Variants in ARHGAP35 observed in about 807,000 individuals in gnomAD.
The protein encoded by ARHGAP35 is Rho GTPase activating protein 35.
Under a neutral mutation model 111.1 loss-of-function variants are expected in ARHGAP35, and 15 were observed. That is an observed-to-expected ratio of 0.13 (90% CI 0.09 to 0.21). The LOEUF (loss-of-function observed/expected upper bound fraction) is 0.21. Among genes scored for constraint, ARHGAP35 ranks in the 10% least tolerant of loss-of-function variants. The pLI, the probability that ARHGAP35 is intolerant of heterozygous loss-of-function variation, is 1.00. For missense variants in ARHGAP35, 1,262 were observed against 1,873.0 expected (o/e 0.67, Z 6.02); for synonymous variants, 643 against 710.3 (o/e 0.91, Z 1.51).
intron 1 of ARHGAP35, among the ~76,000 whole-genome samples, chr19:46,867,774 TTG>T (rs200182410): frequency 6.6e-6 from 1 of 151,840 alleles, no homozygotes; most frequent in African/African-American, 2.4e-5. Context: ...GTTGTTGTTG[TTG>T]TTTTTTTTTT....
chr19:46,935,528 G>A (rs1315277565), intron 2 of ARHGAP35, among the ~76,000 whole-genome samples: 3 of 152,202 alleles, frequency 2.0e-5, no homozygotes, highest in Non-Finnish European at 2.9e-5. Context: ...TGGTAGGAAC[G>A]AAGATGGGCA....
At chr19:46,949,830 G>A (rs1016213365) in intron 3 of ARHGAP35, among the ~76,000 whole-genome samples, 4 of 152,112 alleles carry the variant, frequency 2.6e-5, no homozygotes, top group Non-Finnish European at 5.9e-5. Flanking sequence ...GTGATCATTC[G>A]GTCAATGTTA....
intron 3 of ARHGAP35, among the ~76,000 whole-genome samples, chr19:46,960,117 A>T (rs1390322277): frequency 6.6e-6 from 1 of 151,462 alleles, no homozygotes; most frequent in Non-Finnish European, 1.5e-5. Context: ...TCACAAAAAA[A>T]AAAAAAAAAA....
At chr19:46,962,245 A>G (rs1222661473) in intron 3 of ARHGAP35, among the ~76,000 whole-genome samples, 1 of 152,224 alleles carries the variant, frequency 6.6e-6, no homozygotes, top group Non-Finnish European at 1.5e-5. Context: ...TTTTAAAGAT[A>G]AGAACCCAGG....
chr19:46,980,049 G>A (rs11883094), intron 3 of ARHGAP35, among the ~76,000 whole-genome samples: 1,583 of 152,170 alleles, frequency 0.01, 30 homozygotes, highest in African/African-American at 0.036. Flanking sequence ...GGAGGCCGTC[G>A]TTCTTCTCAG....
At chr19:46,969,222 CTGAA>C (rs1004741321) in intron 3 of ARHGAP35, among the ~76,000 whole-genome samples, 10 of 152,158 alleles carry the variant, frequency 6.6e-5, no homozygotes, top group African/African-American at 2.4e-4. Flanking sequence ...TTGTGCAACT[CTGAA>C]TGTGCTCACA....
intron 3 of ARHGAP35, among the ~76,000 whole-genome samples, chr19:46,967,799 C>T (rs1251012092): frequency 2.0e-5 from 3 of 152,220 alleles, no homozygotes; most frequent in African/African-American, 4.8e-5. Flanking sequence ...ATTTCTCACC[C>T]GCACTGCCTT....
chr19:46,867,598 CTTGA>C (rs2122854800), intron 1 of ARHGAP35, among the ~76,000 whole-genome samples: 1 of 152,286 alleles, frequency 6.6e-6, no homozygotes, highest in South Asian at 2.1e-4. Context: ...GCTAATAATA[CTTGA>C]TTGTCATCTC....
At chr19:46,944,319 A>C (rs1331069431) in intron 3 of ARHGAP35, among the ~76,000 whole-genome samples, 2 of 151,808 alleles carry the variant, frequency 1.3e-5, no homozygotes, top group Non-Finnish European at 2.9e-5. Flanking sequence ...AAAAAAAAGT[A>C]ATATACTTGC....
intron 1 of ARHGAP35, among the ~76,000 whole-genome samples, chr19:46,863,628 C>A (rs2055840637): frequency 6.6e-6 from 1 of 152,086 alleles, no homozygotes; most frequent in African/African-American, 2.4e-5. Flanking sequence ...AAGCCAGCAA[C>A]CCTAGGAGTG....
chr19:46,893,605 TTC>T (rs1173989389), intron 1 of ARHGAP35, among the ~76,000 whole-genome samples: 1 of 152,032 alleles, frequency 6.6e-6, no homozygotes, highest in African/African-American at 2.4e-5. Flanking sequence ...TTATGAATAC[TTC>T]TCTCCCCCCT....
chr19:46,991,452 A>T (rs550907545), intron 5 of ARHGAP35, among the ~76,000 whole-genome samples: 1 of 152,150 alleles, frequency 6.6e-6, no homozygotes, highest in Non-Finnish European at 1.5e-5. Flanking sequence ...GGTGCTATTG[A>T]TAGGGAATCA....
Position 46,880,088 on chromosome 19 carries a change from A to AAAATAAATAAAT in ARHGAP35, c.-189+18900_-189+18911dup, listed in dbSNP as rs112300759. ...GTGATGAGGCAAGACAATGTCTCAA[A>AAAATAAATAAAT]AAATAAATAAATAAATAAATAAATA... On this transcript the variant is annotated intron_variant, in intron 1 of 6. Transcript: ENST00000672722. Among the ~76,000 whole-genome samples, 830 of 151,704 alleles carry AAAATAAATAAAT rather than the reference A, an allele frequency of 5.5e-3. 4 individuals are homozygous for AAAATAAATAAAT. The highest frequency in any genetic ancestry group is 0.02 in the Middle Eastern group (6 of 294).
chr19:46,943,906 G>A (rs117319243), intron 3 of ARHGAP35, among the ~76,000 whole-genome samples: 13 of 152,280 alleles, frequency 8.5e-5, no homozygotes, highest in Non-Finnish European at 1.5e-4. Flanking sequence ...GAAGATGAGC[G>A]AGACCAAAAC....
chr19:46,998,922 C>A (rs2056730716), intron 5 of ARHGAP35, among the ~76,000 whole-genome samples: 1 of 152,242 alleles, frequency 6.6e-6, no homozygotes, highest in Non-Finnish European at 1.5e-5. Flanking sequence ...CAGCGGCCGC[C>A]CGTCTCCATC....
At chr19:46,979,527 T>C (rs1263863195) in intron 3 of ARHGAP35, among the ~76,000 whole-genome samples, 1 of 152,196 alleles carries the variant, frequency 6.6e-6, no homozygotes, top group Non-Finnish European at 1.5e-5. Context: ...GAGCCCCCTG[T>C]TGGGCTCAGA....
intron 1 of ARHGAP35, among the ~76,000 whole-genome samples, chr19:46,892,336 G>A (rs904232753): frequency 6.7e-6 from 1 of 149,454 alleles, no homozygotes; most frequent in Non-Finnish European, 1.5e-5. Context: ...AAAGCCAGGT[G>A]TGCTGGCACA....
intron 2 of ARHGAP35, among the ~76,000 whole-genome samples, chr19:46,935,937 A>G (rs2056305000): frequency 6.6e-6 from 1 of 152,220 alleles, no homozygotes. Flanking sequence ...TTTGGAGACA[A>G]ACCTTCCTGG....
chr19:46,888,108 C>T (rs1240931726), intron 1 of ARHGAP35, among the ~76,000 whole-genome samples: 2 of 150,098 alleles, frequency 1.3e-5, no homozygotes, highest in East Asian at 2.0e-4. Flanking sequence ...CCCGCCACCA[C>T]GCCTGGCTAA....
Sources: allele counts gnomAD v4.1 joint callset (sites outside exome capture counted in the v4.1 genomes callset), GRCh38; gene constraint gnomAD v4.1.1; transcripts MANE v1.5; gene names NCBI Gene and HGNC (gene_info 2026-07-23, HGNC 2026-07-21).